The following ELFN1 variants were observed in gnomAD, a reference collection of about 807,000 sequenced individuals.
The protein encoded by ELFN1 is extracellular leucine rich repeat and fibronectin type III domain containing 1.
In ELFN1, 6 loss-of-function variants were observed where a neutral mutation model predicts 7.6. That is an observed-to-expected ratio of 0.79 (90% CI 0.43 to 1.56). The LOEUF (loss-of-function observed/expected upper bound fraction) is 1.56. ELFN1 is among the 40% of genes most tolerant of loss of function. The pLI, the probability that ELFN1 is intolerant of heterozygous loss-of-function variation, is 0.01. For missense variants in ELFN1, 1,169 were observed against 1,232.2 expected (o/e 0.95, Z 0.77); for synonymous variants, 657 against 588.1 (o/e 1.12, Z -1.70).
intron 3 of ELFN1, among the ~76,000 whole-genome samples, chr7:1,711,600 G>GAA (rs1779656550): frequency 6.6e-6 from 1 of 150,622 alleles, no homozygotes; most frequent in South Asian, 2.1e-4. Context: ...GAGAGAGAGA[G>GAA]AGAGAGAGAG....
chr7:1,738,590 G>T (rs10235026), intron 3 of ELFN1: 5,126 of 152,266 alleles, frequency 0.034, 274 homozygotes, highest in African/African-American at 0.12. Context: ...GCAACAGAGC[G>T]AGACCCACCT....
intron 2 of ELFN1, among the ~76,000 whole-genome samples, chr7:1,703,100 G>A (rs1433907281): frequency 6.6e-6 from 1 of 152,130 alleles, no homozygotes; most frequent in Non-Finnish European, 1.5e-5. Context: ...ATGGGCCCAT[G>A]GTGTCTCACT....
At chr7:1,712,250 T>C (rs1022220042) in intron 3 of ELFN1, among the ~76,000 whole-genome samples, 5 of 149,366 alleles carry the variant, frequency 3.3e-5, no homozygotes, top group Non-Finnish European at 7.4e-5. Flanking sequence ...GTGGCCTGAG[T>C]AGCTGGGACT....
intron 3 of ELFN1, among the ~76,000 whole-genome samples, chr7:1,721,136 G>A (rs538591690): frequency 6.6e-6 from 1 of 152,368 alleles, no homozygotes; most frequent in Non-Finnish European, 1.5e-5. Context: ...TCTCATCCCT[G>A]TGAGGTAGCT....
At chr7:1,741,703 T>C (rs1277999113) in intron 3 of ELFN1, among the ~76,000 whole-genome samples, 1 of 152,166 alleles carries the variant, frequency 6.6e-6, no homozygotes, top group African/African-American at 2.4e-5. Flanking sequence ...GCGTGTTTCC[T>C]GCATGCATGC....
intron 1 of ELFN1, among the ~76,000 whole-genome samples, chr7:1,671,539 T>G (rs1243909964): frequency 6.6e-6 from 1 of 152,120 alleles, no homozygotes; most frequent in Non-Finnish European, 1.5e-5. Flanking sequence ...CAGGAGCAGA[T>G]GTAAATGGCA....
chr7:1,686,234 G>A (rs534973672), intron 1 of ELFN1, among the ~76,000 whole-genome samples: 26 of 151,246 alleles, frequency 1.7e-4, no homozygotes, highest in Non-Finnish European at 3.5e-4. Flanking sequence ...TGTAGTAATT[G>A]ACCTGGACTG....
intron 1 of ELFN1, among the ~76,000 whole-genome samples, chr7:1,682,168 T>C (rs1778985676): frequency 6.6e-6 from 1 of 152,204 alleles, no homozygotes; most frequent in Admixed American, 6.5e-5. Flanking sequence ...GGGTGTCATA[T>C]TTAGGAATCG....
intron 1 of ELFN1, among the ~76,000 whole-genome samples, chr7:1,674,844 G>A (rs117319125): frequency 0.027 from 4,069 of 152,224 alleles, 87 homozygotes; most frequent in Non-Finnish European, 0.04. Context: ...ACAGCCGGGC[G>A]GGAAACATCC....
chr7:1,719,021 G>A (rs1779921086), intron 3 of ELFN1, among the ~76,000 whole-genome samples: 1 of 152,230 alleles, frequency 6.6e-6, no homozygotes, highest in South Asian at 2.1e-4. Context: ...GCCCGGAGCT[G>A]TCCAGGGGCC....
chr7:1,713,891 C>T (rs1225758546), intron 3 of ELFN1, among the ~76,000 whole-genome samples: 2 of 152,138 alleles, frequency 1.3e-5, no homozygotes, highest in African/African-American at 4.8e-5. Flanking sequence ...GGCTCCCCTC[C>T]CCCACCTCTC....
chr7:1,693,682 C>T, intron 2 of ELFN1: 1 of 471,068 alleles, frequency 2.1e-6, no homozygotes, highest in Admixed American at 2.3e-5. Flanking sequence ...TGCATGCCCT[C>T]TGTGTGTCTA....
chr7:1,734,542 C>G (rs555328339), intron 3 of ELFN1, among the ~76,000 whole-genome samples: 1 of 152,134 alleles, frequency 6.6e-6, no homozygotes, highest in African/African-American at 2.4e-5. Flanking sequence ...GAGCCCTCCC[C>G]GCTCTGGTCG....
intron 2 of ELFN1, among the ~76,000 whole-genome samples, chr7:1,697,441 G>A (rs183532346): frequency 1.7e-4 from 26 of 152,222 alleles, no homozygotes; most frequent in African/African-American, 6.0e-4. Flanking sequence ...TCTGTGGGTA[G>A]GACTGAGCAC....
intron 1 of ELFN1, among the ~76,000 whole-genome samples, chr7:1,674,886 T>A (rs1293688483): frequency 6.6e-6 from 1 of 152,074 alleles, no homozygotes; most frequent in African/African-American, 2.4e-5. Context: ...CATCACCAGG[T>A]CCACTGTGTT....
At chr7:1,689,560 C>T (rs928926894) in intron 2 of ELFN1, among the ~76,000 whole-genome samples, 41 of 152,190 alleles carry the variant, frequency 2.7e-4, no homozygotes, top group African/African-American at 8.7e-4. Flanking sequence ...TTGCTGGGGG[C>T]TGGGCCTGGT....
intron 2 of ELFN1, among the ~76,000 whole-genome samples, chr7:1,698,347 A>C (rs547495510): frequency 6.6e-6 from 1 of 152,144 alleles, no homozygotes; most frequent in African/African-American, 2.4e-5. Flanking sequence ...CCTGCGTTGC[A>C]CCCTCGGTGC....
In ELFN1 at chr7:1,721,524, C is replaced by T. The variant is rs548641966; in HGVS notation, c.-294+12272C>T. Among the ~76,000 whole-genome samples, 9 of 152,338 alleles carry T rather than the reference C, an allele frequency of 5.9e-5. No homozygotes were observed. The South Asian group carries it at 1.7e-3, about 28-fold the overall frequency. ...ATAGTAGGTGCTTTAAACGCCTTGT[C>T]GGCTGGAAGAAGAACAGCTGGGGCC... is the stretch of plus-strand genomic sequence containing the variant. On this transcript the variant is annotated intron_variant, in intron 3 of 3. Transcript: ENST00000424383.
At chr7:1,725,611 G>C (rs1371655183) in intron 3 of ELFN1, among the ~76,000 whole-genome samples, 2 of 152,208 alleles carry the variant, frequency 1.3e-5, no homozygotes, top group African/African-American at 4.8e-5. Context: ...CGGCTTCACC[G>C]AAAATGGAAT....
Sources: allele counts gnomAD v4.1 joint callset (sites outside exome capture counted in the v4.1 genomes callset), GRCh38; gene constraint gnomAD v4.1.1; transcripts MANE v1.5; gene names NCBI Gene and HGNC (gene_info 2026-07-23, HGNC 2026-07-21).